Variants in RPA3 observed in about 807,000 individuals in gnomAD.
The protein encoded by RPA3 is replication protein A 14 kDa subunit.
Under a neutral mutation model 13.7 loss-of-function variants are expected in RPA3, and 24 were observed. The ratio of observed to expected loss-of-function variants is 1.75; its 90% CI spans 1.27 to 2.46. The LOEUF (loss-of-function observed/expected upper bound fraction) is 2.46. RPA3 is among the 30% of genes most tolerant of loss of function. The pLI is 0.00. For synonymous variants in RPA3, 59 were observed against 51.2 expected, an observed-to-expected ratio of 1.15 and a Z score of -0.65; for missense variants, 183 against 151.0, an observed-to-expected ratio of 1.21 and a Z score of -1.11.
chr7:7,692,899 G>C (rs986518620), intron 2 of RPA3, among the ~76,000 whole-genome samples: 1 of 152,160 alleles, frequency 6.6e-6, no homozygotes. Context: ...GAGCCACCGT[G>C]CCTGGCCAAA....
At chr7:7,647,445 ATGTATTTTCCAGTTGT>A (rs562763085) in intron 4 of RPA3, among the ~76,000 whole-genome samples, 22 of 152,316 alleles carry the variant, frequency 1.4e-4, no homozygotes, top group African/African-American at 5.3e-4. Flanking sequence ...TGGCAAAAAA[ATGTATTTTCCAGTTGT>A]TGGATCCAGT....
intron 4 of RPA3, among the ~76,000 whole-genome samples, chr7:7,643,584 G>C (rs952588970): frequency 6.6e-5 from 10 of 151,968 alleles, no homozygotes; most frequent in Admixed American, 4.6e-4. Flanking sequence ...CGATGGCGGG[G>C]GCCTGTAGTC....
chr7:7,698,702 T>C (rs987715247), intron 2 of RPA3, among the ~76,000 whole-genome samples: 1 of 152,076 alleles, frequency 6.6e-6, no homozygotes, highest in Non-Finnish European at 1.5e-5. Context: ...CAACCTTCTT[T>C]CTCCAGCTCT....
chr7:7,657,601 T>A (rs1391445049), intron 4 of RPA3, among the ~76,000 whole-genome samples: 1 of 152,168 alleles, frequency 6.6e-6, no homozygotes, highest in African/African-American at 2.4e-5. Context: ...TTTTCAGGTA[T>A]GTCAAAGATC....
chr7:7,698,350 C>T lies in RPA3; in HGVS notation c.-1027-11022G>A, dbSNP rs145710918. On this transcript the variant is annotated intron_variant, in intron 2 of 7. Coordinates refer to ENST00000223129, the MANE Select transcript of RPA3 (RefSeq NM_002947.5). ...TTAAAATAAGGTTTATATAATGGTG[C>T]GTTTCCTGCTGCATCTCTGCCATCA... 1.6e-4 allele frequency among the ~76,000 whole-genome samples: 24 copies of T among 152,196 alleles called. No individual in the cohort carries two copies. The East Asian group carries it at 1.9e-3, about 12-fold the overall frequency.
chr7:7,673,567 T>C (rs935804819), intron 4 of RPA3: 2 of 627,368 alleles, frequency 3.2e-6, no homozygotes, highest in Non-Finnish European at 5.6e-6. Flanking sequence ...AATTAATTTA[T>C]GTGTTTAATT....
chr7:7,709,407 C>T (rs28912688), intron 2 of RPA3, among the ~76,000 whole-genome samples: 43 of 152,314 alleles, frequency 2.8e-4, no homozygotes, highest in Non-Finnish European at 5.7e-4. Flanking sequence ...TGTGGATAAG[C>T]TGGAGAGGTC....
chr7:7,702,063 C>CAT (rs1453417990), intron 2 of RPA3, among the ~76,000 whole-genome samples: 2 of 152,068 alleles, frequency 1.3e-5, no homozygotes, highest in East Asian at 3.8e-4. Context: ...AATATATTCA[C>CAT]ATATAGTTGA....
At chr7:7,703,591 A>G (rs1780521318) in intron 2 of RPA3, among the ~76,000 whole-genome samples, 1 of 152,190 alleles carries the variant, frequency 6.6e-6, no homozygotes, top group Non-Finnish European at 1.5e-5. Flanking sequence ...CTTACAACAC[A>G]GGTGCTAACA....
chr7:7,637,473 C>T (rs1326037033), intron 7 of RPA3, among the ~76,000 whole-genome samples: 2 of 151,980 alleles, frequency 1.3e-5, no homozygotes, highest in African/African-American at 2.4e-5. Flanking sequence ...CAGGCCAAAA[C>T]AAAATGTACC....
intron 2 of RPA3, among the ~76,000 whole-genome samples, chr7:7,713,710 C>G (rs1427163628): frequency 6.6e-6 from 1 of 152,068 alleles, no homozygotes; most frequent in Non-Finnish European, 1.5e-5. Context: ...TTTAAAAATT[C>G]TAATATGTTC....
chr7:7,652,935 T>C (rs906786776), intron 4 of RPA3, among the ~76,000 whole-genome samples: 2 of 152,222 alleles, frequency 1.3e-5, no homozygotes, highest in African/African-American at 4.8e-5. Flanking sequence ...AGCGAGCAAA[T>C]AGAATATTTT....
intron 4 of RPA3, among the ~76,000 whole-genome samples, chr7:7,664,991 G>T (rs569253350): frequency 4.1e-5 from 6 of 146,268 alleles, no homozygotes; most frequent in Non-Finnish European, 9.2e-5. Context: ...AATGTGTGTG[G>T]GTGATATATA....
chr7:7,689,477 C>T (rs559909079), intron 2 of RPA3: 1 of 152,094 alleles, frequency 6.6e-6, no homozygotes, highest in Non-Finnish European at 1.5e-5. Context: ...TAATAAATTC[C>T]CGCATTAAAG....
chr7:7,658,880 G>T (rs182184195), intron 4 of RPA3, among the ~76,000 whole-genome samples: 270 of 152,276 alleles, frequency 1.8e-3, no homozygotes, highest in African/African-American at 6.2e-3. Flanking sequence ...AGAAGGAATG[G>T]TACCAGCTCC....
At chr7:7,647,522 A>T (rs1785123487) in intron 4 of RPA3, among the ~76,000 whole-genome samples, 1 of 152,236 alleles carries the variant, frequency 6.6e-6, no homozygotes, top group Non-Finnish European at 1.5e-5. Context: ...TCTGCTTAAT[A>T]TCTCAATTAT....
intron 5 of RPA3, chr7:7,640,062 T>G: frequency 4.0e-6 from 2 of 502,700 alleles, no homozygotes; most frequent in Admixed American, 7.1e-5. Context: ...TTCCCTTACG[T>G]AAGCACGGCT....
intron 2 of RPA3, among the ~76,000 whole-genome samples, chr7:7,689,798 C>T (rs1780130843): frequency 6.6e-6 from 1 of 152,128 alleles, no homozygotes; most frequent in South Asian, 2.1e-4. Context: ...GAATGGTATA[C>T]TCACTGCCAT....
chr7:7,716,664 C>T (rs987798899), intron 1 of RPA3, among the ~76,000 whole-genome samples: 1 of 152,040 alleles, frequency 6.6e-6, no homozygotes, highest in African/African-American at 2.4e-5. Flanking sequence ...GAGGCCGGCG[C>T]GGCCGGCGCG....
Sources: gnomAD v4.1 joint callset for allele counts (sites outside exome capture counted in the v4.1 genomes callset) on GRCh38, gnomAD v4.1.1 for gene constraint, MANE v1.5 for transcripts, NCBI Gene and HGNC (gene_info 2026-07-23, HGNC 2026-07-21) for gene names.